Variants in RIPK2 observed in about 807,000 individuals in gnomAD.
RIPK2 encodes receptor-interacting serine/threonine-protein kinase 2.
Under a neutral mutation model 60.9 loss-of-function variants are expected in RIPK2, and 38 were observed. That is an observed-to-expected ratio of 0.62 (90% CI 0.48 to 0.82). RIPK2 has a LOEUF of 0.82. RIPK2 is among the 40% of genes least tolerant of loss of function. The probability of loss-of-function intolerance (pLI) is 0.00; values close to 1 mark genes in which losing one functional copy is unlikely to be tolerated. For synonymous variants in RIPK2, 225 were observed against 223.4 expected (o/e 1.01, Z -0.06); for missense variants, 518 against 647.0 (o/e 0.80, Z 2.16).
chr8:89,789,600 C>T, intron 10 of RIPK2, 118 bp downstream of exon 10: 1 of 934,584 alleles, frequency 1.1e-6, no homozygotes, highest in Non-Finnish European at 1.6e-6. Context: ...TAAATACATA[C>T]CTTCTTAAGT....
Position 89,784,239 on chromosome 8 carries a change from A to G in RIPK2, c.1029+100A>G, listed in dbSNP as rs1201658526. The G allele has an allele frequency of 2.6e-5, 18 of 691,504 alleles. No homozygotes were observed. The Admixed American group carries it at 4.9e-4, about 19-fold the overall frequency. The allele number at this position is 691,504 out of a possible 1,614,324, so 42.8% of individuals were successfully genotyped here. On this transcript the variant is annotated intron_variant, in intron 8 of 10. Transcript: ENST00000220751. The stretch of plus-strand genomic sequence containing the variant: ...CTAAGCCCTTCTTTTATAGAAGGAA[A>G]ACTAAAGCCCAGGGAGCTTTTAGGA...
rs199931564 is a variant in RIPK2 at position 89,786,722 on chromosome 8, T to A, written c.1123+36T>A. ...TTTCCAATCATTATTTACTTGCAAG[T>A]TTTCCATTTTCTTTCAAGATCAAAT... On this transcript the variant is annotated intron_variant, in intron 9 of 10. Transcript: ENST00000220751. The A allele has an allele frequency of 2.1e-4, 253 of 1,208,702 alleles. 6 individuals are homozygous for A. The South Asian group carries it at 3.2e-3, about 15-fold the overall frequency. 74.9% of individuals were successfully genotyped at this position (1,208,702 alleles called of 1,614,324 possible).
intron 5 of RIPK2, 26 bp downstream of exon 5, chr8:89,771,816 C>T: frequency 6.9e-7 from 1 of 1,452,688 alleles, no homozygotes; most frequent in Non-Finnish European, 9.6e-7. Context: ...CTTTTTTATG[C>T]TCAATAACAT....
chr8:89,776,845 T>C lies in RIPK2; in HGVS notation c.854-3230T>C, dbSNP rs189641397. On this transcript the variant is annotated intron_variant, in intron 6 of 10. Coordinates refer to ENST00000220751, the MANE Select transcript of RIPK2 (RefSeq NM_003821.6). The stretch of plus-strand genomic sequence containing the variant: ...ACTGGGGCCAATTTACCCTCCTGCC[T>C]GAAACAACCAAAAAACCTAGACAAA... Among the ~76,000 whole-genome samples the C allele has an allele frequency of 7.4e-3, 1,120 of 152,286 alleles. 12 individuals carry two copies. Among genetic ancestry groups the C allele is most frequent in the African/African-American group, 0.026 (1,060 of 41,562 alleles).
At chr8:89,775,613 T>C (rs957350885) in intron 6 of RIPK2, among the ~76,000 whole-genome samples, 3 of 152,200 alleles carry the variant, frequency 2.0e-5, no homozygotes, top group African/African-American at 7.2e-5. Context: ...GAGGAAATGG[T>C]ATTCAGAATG....
rs576946395 is a variant in RIPK2 at position 89,789,170 on chromosome 8, A to C, written c.1124-151A>C. On this transcript the variant is annotated intron_variant, in intron 9 of 10. Coordinates refer to ENST00000220751, the MANE Select transcript of RIPK2 (RefSeq NM_003821.6). Reference sequence around the variant, plus strand: ...CCCTTTTTTGTTTTAAGAAATATCTACTTGCAGAATTAGGTTTCTGAACCA... The same window carrying C: ...CCCTTTTTTGTTTTAAGAAATATCTCCTTGCAGAATTAGGTTTCTGAACCA... The C allele has an allele frequency of 4.4e-4, 264 of 596,026 alleles. 1 individual carries two copies. The African/African-American group carries it at 4.6e-3, about 10-fold the overall frequency. The allele number at this position is 596,026 out of a possible 1,614,324, so 36.9% of individuals were successfully genotyped here. A position where few individuals can be genotyped will look rare whatever the true frequency, so the allele number is the denominator to read the frequency against.
At chr8:89,772,203 A>C (rs1034919508) in intron 5 of RIPK2, among the ~76,000 whole-genome samples, 1 of 152,078 alleles carries the variant, frequency 6.6e-6, no homozygotes, top group African/African-American at 2.4e-5. Flanking sequence ...AAGACTAGCA[A>C]ATATCGAAGA....
intron 2 of RIPK2, among the ~76,000 whole-genome samples, chr8:89,763,442 A>G (rs907043640): frequency 1.3e-5 from 2 of 152,204 alleles, no homozygotes; most frequent in Non-Finnish European, 2.9e-5. Context: ...TTTTCTAATA[A>G]TAGACAGTGG....
chr8:89,766,053 T>A (rs1809225016), intron 3 of RIPK2, among the ~76,000 whole-genome samples: 1 of 151,894 alleles, frequency 6.6e-6, no homozygotes, highest in South Asian at 2.1e-4. Flanking sequence ...TTTCCATCTC[T>A]TTAATTTTGT....
chr8:89,782,731 C>T (rs1447625730), intron 7 of RIPK2, among the ~76,000 whole-genome samples: 2 of 152,006 alleles, frequency 1.3e-5, no homozygotes, highest in African/African-American at 2.4e-5. Flanking sequence ...GGAATCAGCT[C>T]CCGTAATTTA....
At position 89,771,766 on chromosome 8, in the gene RIPK2, T is replaced by C; in HGVS notation, c.667T>C (p.Leu223=). The change falls in exon 5 of 11, where the codon TTA becomes CTA. Residue 223 remains leucine, a synonymous_variant. Transcript: ENST00000220751. The stretch of plus-strand genomic sequence containing the variant: ...CTATGCAGTTATCACATGGGAAGTG[T>C]TATCCAGAAAACAGCCTTTTGAAGG... ...YSYAVITWEV[L]SRKQPFEDVT... 6.2e-7 allele frequency: 1 copy of C among 1,606,180 alleles called. No individual in the cohort carries two copies. Among genetic ancestry groups the C allele is most frequent in the South Asian group, 1.1e-5 (1 of 90,338 alleles).
intron 7 of RIPK2, chr8:89,780,661 T>C (rs556744768): frequency 6.6e-6 from 1 of 152,318 alleles, no homozygotes; most frequent in African/African-American, 2.4e-5. Flanking sequence ...CCCAAAGTTG[T>C]AATGCCTAGA....
rs939781553 is a variant in RIPK2 at position 89,780,059 on chromosome 8, T to A, written c.854-16T>A. 6 of 1,309,786 alleles carry A rather than the reference T, an allele frequency of 4.6e-6. No homozygotes were observed. In the African/African-American group the frequency reaches 8.9e-5, roughly 19 times the overall value. 81.1% of individuals were successfully genotyped at this position (1,309,786 alleles called of 1,614,324 possible). A position where few individuals can be genotyped will look rare whatever the true frequency, so the allele number is the denominator to read the frequency against. Reference sequence around the variant, plus strand: ...AAGCAATCTGAACTCAACCTGTATTTTTTTCTCTTATGTAGAATGTTTAAT... The same window carrying A: ...AAGCAATCTGAACTCAACCTGTATTATTTTCTCTTATGTAGAATGTTTAAT... On this transcript the variant is annotated splice_polypyrimidine_tract_variant and intron_variant, in intron 6 of 10. Coordinates refer to ENST00000220751, the MANE Select transcript of RIPK2 (RefSeq NM_003821.6).
At chr8:89,783,723 A>C (rs993263860) in intron 7 of RIPK2, among the ~76,000 whole-genome samples, 5 of 152,200 alleles carry the variant, frequency 3.3e-5, no homozygotes, top group Non-Finnish European at 5.9e-5. Flanking sequence ...TTAAGTACCT[A>C]GTTTATACCA....
intron 7 of RIPK2, among the ~76,000 whole-genome samples, chr8:89,783,486 A>G (rs1207830165): frequency 6.6e-6 from 1 of 152,190 alleles, no homozygotes; most frequent in Non-Finnish European, 1.5e-5. Flanking sequence ...GATTAAATCT[A>G]ATGTCTCACG....
intron 4 of RIPK2, 133 bp from the exon 5 acceptor site, chr8:89,771,608 A>G: frequency 1.8e-6 from 1 of 567,484 alleles, no homozygotes; most frequent in Non-Finnish European, 3.1e-6. Flanking sequence ...TCTTCATTGT[A>G]TACAGTAATT....
chr8:89,765,154 A>T (rs1809206559), intron 2 of RIPK2, among the ~76,000 whole-genome samples, 187 bp from the exon 3 acceptor site: 1 of 152,180 alleles, frequency 6.6e-6, no homozygotes, highest in Non-Finnish European at 1.5e-5. Flanking sequence ...AATTTTCTCT[A>T]TAAAGTGAGG....
In RIPK2 at chr8:89,790,324, G is replaced by A; in HGVS notation, c.1531G>A (p.Asp511Asn). 1 of 1,614,022 alleles carries A rather than the reference G, an allele frequency of 6.2e-7. No homozygotes were observed. The highest frequency in any genetic ancestry group is 8.5e-7 in the Non-Finnish European group (1 of 1,179,936). Residue 511 changes from aspartate (D) to asparagine (N), a missense_variant, in exon 11 of 11, where the codon GAT (aspartate) becomes AAT (asparagine). This residue lies in a region of RIPK2 where 41 missense variants were observed against 43.7 expected (regional missense o/e 0.94). Transcript: ENST00000220751. ...CAAAGTTATAGTACAAAAATTGAAA[G>A]ATAACAAACAAATGGGTCTTCAGCC... ...FAKVIVQKLK[D>N]NKQMGLQPYP...
intron 6 of RIPK2, among the ~76,000 whole-genome samples, chr8:89,776,796 C>A (rs1282082311): frequency 6.6e-6 from 1 of 152,092 alleles, no homozygotes; most frequent in Non-Finnish European, 1.5e-5. Context: ...AACCAGCGAC[C>A]CCACTTCTGG....
Sources: allele counts gnomAD v4.1 joint callset (sites outside exome capture counted in the v4.1 genomes callset), GRCh38; gene constraint gnomAD v4.1.1; regional missense constraint gnomAD v4.1.1; transcripts MANE v1.5; gene names NCBI Gene and HGNC (gene_info 2026-07-23, HGNC 2026-07-21).